The following NBDY variants were observed in gnomAD, a reference collection of about 807,000 sequenced individuals.
NBDY encodes negative regulator of P-body association, also known as P-body dissociating protein.
intron 2 of NBDY, among the ~76,000 whole-genome samples, chrX:56,739,224 G>T (rs2146713622): frequency 3.3e-5 from 2 of 60,797 alleles, no homozygotes; most frequent in East Asian, 4.6e-4. Flanking sequence ...ACATATATAT[G>T]TGTGTTTGTG....
intron 2 of NBDY, among the ~76,000 whole-genome samples, chrX:56,809,900 C>A (rs753361013): frequency 3.7e-3 from 417 of 111,710 alleles, no homozygotes; most frequent in African/African-American, 0.012. Flanking sequence ...ACTGGTTGAT[C>A]CTTCCATGTT....
At chrX:56,780,579 C>T (rs1358860274) in intron 2 of NBDY, among the ~76,000 whole-genome samples, 28 of 47,687 alleles carry the variant, frequency 5.9e-4, no homozygotes, top group Non-Finnish European at 9.5e-4. Flanking sequence ...GTGTAGGCCA[C>T]CCTGGGGACG....
intron 2 of NBDY, among the ~76,000 whole-genome samples, chrX:56,815,773 G>A (rs2069908166): frequency 8.9e-6 from 1 of 111,844 alleles, no homozygotes; most frequent in African/African-American, 3.2e-5. Context: ...TCGGAGTAAT[G>A]TGTATAATAC....
chrX:56,786,173 G>A (rs2069726789), intron 2 of NBDY, among the ~76,000 whole-genome samples: 1 of 110,152 alleles, frequency 9.1e-6, no homozygotes, highest in South Asian at 4.0e-4. Flanking sequence ...TGTAGACTTG[G>A]TGCTGGGTGG....
chrX:56,782,301 TCTC>T lies in NBDY; in HGVS notation c.*167-35004_*167-35002del, dbSNP rs535518191. On this transcript the variant is annotated intron_variant, in intron 2 of 2. Coordinates refer to ENST00000374922, the MANE Select transcript of NBDY (RefSeq NM_001348129.2). ...TTTTCTTACTCTTCCTCCTCCATCT[TCTC>T]CTCCTCCTCCTCCTTCTTCTTTCCT... Among the ~76,000 whole-genome samples the T allele has an allele frequency of 3.0e-4, 33 of 110,728 alleles. No homozygotes were observed. In the South Asian group the frequency reaches 9.4e-3, roughly 32 times the overall value.
intron 2 of NBDY, among the ~76,000 whole-genome samples, chrX:56,764,122 A>G (rs2069653517): frequency 8.9e-6 from 1 of 112,077 alleles, no homozygotes; most frequent in Non-Finnish European, 1.9e-5. Context: ...TCTCTCCGAA[A>G]AAAAGGGCAG....
intron 2 of NBDY, among the ~76,000 whole-genome samples, chrX:56,766,640 T>C (rs1269132911): frequency 8.9e-6 from 1 of 112,141 alleles, no homozygotes; most frequent in African/African-American, 3.2e-5. Flanking sequence ...GGAGCATTCC[T>C]GCCTCCAGGC....
At chrX:56,800,369 C>T (rs1327766060) in intron 2 of NBDY, among the ~76,000 whole-genome samples, 1 of 111,770 alleles carries the variant, frequency 8.9e-6, no homozygotes, top group Non-Finnish European at 1.9e-5. Context: ...TCTTCAGCTT[C>T]CCGGTTTTCT....
chrX:56,745,952 G>C (rs189182289), intron 2 of NBDY, among the ~76,000 whole-genome samples: 65 of 111,689 alleles, frequency 5.8e-4, no homozygotes, highest in African/African-American at 2.0e-3. Context: ...TTTACAGATA[G>C]CTAGGTGGGT....
chrX:56,791,816 T>G (rs921999360), intron 2 of NBDY, among the ~76,000 whole-genome samples: 2 of 84,501 alleles, frequency 2.4e-5, no homozygotes, highest in African/African-American at 8.5e-5. Flanking sequence ...CTCTTGCTCC[T>G]CCTCTTCCAG....
At chrX:56,793,858 C>T (rs1446894290) in intron 2 of NBDY, among the ~76,000 whole-genome samples, 2 of 111,645 alleles carry the variant, frequency 1.8e-5, no homozygotes, top group African/African-American at 6.5e-5. Context: ...TCTCCAGGAA[C>T]TGCCAGGCAT....
intron 2 of NBDY, among the ~76,000 whole-genome samples, chrX:56,765,760 TTTC>T (rs1472703083): frequency 3.6e-5 from 4 of 110,852 alleles, no homozygotes; most frequent in Admixed American, 1.9e-4. Flanking sequence ...CCTTTTTCTT[TTTC>T]TTCTTTTTCC....
intron 2 of NBDY, among the ~76,000 whole-genome samples, chrX:56,810,006 C>T (rs1240053667): frequency 9.0e-6 from 1 of 111,420 alleles, no homozygotes; most frequent in Non-Finnish European, 1.9e-5. Context: ...TCTCCTTTGC[C>T]TATGAAACTT....
At chrX:56,808,174 C>G (rs941667254) in intron 2 of NBDY, among the ~76,000 whole-genome samples, 1 of 111,655 alleles carries the variant, frequency 9.0e-6, no homozygotes, top group Non-Finnish European at 1.9e-5. Context: ...CCGACTTGAT[C>G]GTGGTGGATA....
rs761785446 is a variant in NBDY, at chrX:56,814,142, G to A, written c.*167-3178G>A. Among the ~76,000 whole-genome samples, 5 of 110,914 alleles carry A rather than the reference G, an allele frequency of 4.5e-5. No homozygotes were observed. The South Asian group carries it at 1.9e-3, about 42-fold the overall frequency. On this transcript the variant is annotated intron_variant, in intron 2 of 2. Transcript: ENST00000374922. Reference sequence around the variant, plus strand: ...TTTCTATCAATTTTTCTGGACCGAAGGTAGTCATTTTAGGTGGTGAATTTT... The same window carrying A: ...TTTCTATCAATTTTTCTGGACCGAAAGTAGTCATTTTAGGTGGTGAATTTT...
chrX:56,737,324 T>C, intron 2 of NBDY: 1 of 854,805 alleles, frequency 1.2e-6, no homozygotes, highest in Non-Finnish European at 1.7e-6. Flanking sequence ...ATTTTCCTCT[T>C]CATATTTGGT....
chrX:56,817,005 C>G (rs981729696), intron 2 of NBDY, among the ~76,000 whole-genome samples: 3 of 111,491 alleles, frequency 2.7e-5, no homozygotes, highest in African/African-American at 9.8e-5. Context: ...CCTAATAAAA[C>G]AAGAGTAATA....
At chrX:56,803,819 C>A (rs1238711327) in intron 2 of NBDY, among the ~76,000 whole-genome samples, 2 of 111,919 alleles carry the variant, frequency 1.8e-5, no homozygotes, top group East Asian at 5.6e-4. Flanking sequence ...CAAAACAAAA[C>A]AAAAAGAAAA....
chrX:56,738,980 T>G (rs1320952261), intron 2 of NBDY, among the ~76,000 whole-genome samples: 1 of 108,906 alleles, frequency 9.2e-6, no homozygotes, highest in Non-Finnish European at 1.9e-5. Flanking sequence ...TCCTTCCTCC[T>G]GGGTATGGGG....
Sources: allele counts gnomAD v4.1 joint callset (sites outside exome capture counted in the v4.1 genomes callset), GRCh38; gene constraint gnomAD v4.1.1; transcripts MANE v1.5; gene names NCBI Gene and HGNC (gene_info 2026-07-23, HGNC 2026-07-21).